MTHFSD: variants seen among roughly 807,000 people sequenced by gnomAD.
MTHFSD encodes methenyltetrahydrofolate synthetase domain containing.
In MTHFSD, 37 loss-of-function variants were observed where a neutral mutation model predicts 31.1. That is an observed-to-expected ratio of 1.19 (90% confidence interval 0.91 to 1.56). The LOEUF is 1.56. Ranked by LOEUF, MTHFSD falls within the 40% of genes most tolerant of loss-of-function variation. The pLI, the probability that MTHFSD is intolerant of heterozygous loss-of-function variation, is 0.00. For synonymous variants in MTHFSD, 221 were observed against 206.9 expected, an observed-to-expected ratio of 1.07 and a Z score of -0.59; for missense variants, 664 against 510.1, an observed-to-expected ratio of 1.30 and a Z score of -2.91.
chr16:86,551,531 C>A (rs577292616), intron 3 of MTHFSD, among the ~76,000 whole-genome samples: 18 of 152,296 alleles, frequency 1.2e-4, no homozygotes, highest in Middle Eastern at 3.4e-3. Flanking sequence ...CAAAAGCATG[C>A]CTGAATTTAA....
intron 7 of MTHFSD, among the ~76,000 whole-genome samples, chr16:86,536,803 C>T (rs1472974034): frequency 6.6e-6 from 1 of 152,246 alleles, no homozygotes; most frequent in Admixed American, 6.5e-5. Flanking sequence ...CCCCCTGCTC[C>T]GCACAGAGTC....
intron 3 of MTHFSD, among the ~76,000 whole-genome samples, chr16:86,551,028 A>C (rs745663947): frequency 2.0e-5 from 3 of 152,346 alleles, no homozygotes; most frequent in Non-Finnish European, 4.4e-5. Flanking sequence ...GGCCAGTACT[A>C]TACTCATGTT....
chr16:86,537,444 A>G (rs531047900), intron 7 of MTHFSD, among the ~76,000 whole-genome samples: 17 of 152,216 alleles, frequency 1.1e-4, no homozygotes, highest in African/African-American at 3.9e-4. Flanking sequence ...CATGTCTTCT[A>G]TAGAGATTCA....
At chr16:86,554,015 G>A (rs769229183) in intron 2 of MTHFSD, among the ~76,000 whole-genome samples, 13 of 152,138 alleles carry the variant, frequency 8.5e-5, no homozygotes, top group Admixed American at 1.3e-4. Context: ...CTGTCAAAAC[G>A]GACCAATCGG....
chr16:86,551,699 C>G (rs1017426097), intron 3 of MTHFSD, among the ~76,000 whole-genome samples: 12 of 152,176 alleles, frequency 7.9e-5, no homozygotes, highest in Non-Finnish European at 1.6e-4. Context: ...GTGGTGTCAT[C>G]TATTTCAGCT....
In MTHFSD at chr16:86,542,027, A is replaced by C; in HGVS notation, c.555+74T>G. The C allele has an allele frequency of 1.4e-6, 2 of 1,425,922 alleles. No individual in the cohort carries two copies. Among genetic ancestry groups the C allele is most frequent in the Non-Finnish European group, 2.0e-6 (2 of 1,024,012 alleles). The allele number at this position is 1,425,922 out of a possible 1,614,324, so 88.3% of individuals were successfully genotyped here. On this transcript the variant is annotated intron_variant, in intron 6 of 7. Coordinates refer to ENST00000360900, the MANE Select transcript of MTHFSD (RefSeq NM_001159377.2). This position sits in a 1 kb window ranked among gnomAD's most constrained non-coding sequence, Gnocchi z 4.6. ...ACACAGCATGGTTCAGAAGCAGATG[A>C]GTCTCCTTCCCCACCCCCTGCTCCC... is the stretch of plus-strand genomic sequence containing the variant.
In MTHFSD at chr16:86,530,600, A is replaced by G. The variant is rs1290709753; in HGVS notation, c.*1411T>C. The G allele has an allele frequency of 1.3e-5, 2 of 151,298 alleles. No homozygotes were observed. The highest frequency in any genetic ancestry group is 2.5e-5 in the African/African-American group (1 of 40,636). The allele number at this position is 151,298 out of a possible 1,614,324, so 9.4% of individuals were successfully genotyped here. On this transcript the variant is annotated 3_prime_UTR_variant, in exon 8 of 8. Transcript: ENST00000360900. ...TTGCTATTCTAACGGCAGCAAATCC[A>G]CAGGAAAAAGGTAAACAAAAAAAAA...
chr16:86,535,331 G>GGAAACATCTTCCTA, intron 7 of MTHFSD: 1 of 985,208 alleles, frequency 1.0e-6, no homozygotes, highest in African/African-American at 1.7e-5. Context: ...AAGCTCTAAT[G>GGAAACATCTTCCTA]GCTGTGGGGC....
At chr16:86,549,179 C>T (rs1401576093) in intron 3 of MTHFSD, among the ~76,000 whole-genome samples, 1 of 152,220 alleles carries the variant, frequency 6.6e-6, no homozygotes, top group Admixed American at 6.5e-5. Flanking sequence ...GGGCCCTGGG[C>T]CAGCGCATCA....
chr16:86,540,341 C>A (rs1338809351), intron 7 of MTHFSD, among the ~76,000 whole-genome samples: 1 of 152,170 alleles, frequency 6.6e-6, no homozygotes, highest in African/African-American at 2.4e-5. Context: ...ACAGTGCTGA[C>A]CCTCAGGAAC....
chr16:86,541,578 G>T (rs1971519701), intron 7 of MTHFSD, 119 bp downstream of exon 7: 1 of 1,404,284 alleles, frequency 7.1e-7, no homozygotes, highest in Non-Finnish European at 9.7e-7. Flanking sequence ...AAGCTCCTTG[G>T]GTGATTCTAA....
intron 3 of MTHFSD, among the ~76,000 whole-genome samples, chr16:86,551,121 G>C: frequency 6.6e-6 from 1 of 152,184 alleles, no homozygotes; most frequent in East Asian, 1.9e-4. Context: ...TGATTTTATA[G>C]TTTTGTTTGT....
At position 86,531,790 on chromosome 16, in the gene MTHFSD, G is replaced by T; in HGVS notation, c.*221C>A. The T allele has an allele frequency of 2.5e-6, 1 of 394,270 alleles. No homozygotes were observed. Among genetic ancestry groups the T allele is most frequent in the Non-Finnish European group, 4.5e-6 (1 of 222,558 alleles). The allele number at this position is 394,270 out of a possible 1,614,324, so 24.4% of individuals were successfully genotyped here. A position where few individuals can be genotyped will look rare whatever the true frequency, so the allele number is the denominator to read the frequency against. ...GAGCCTGCACGATTGGGAGGCTGCA[G>T]TCTCTGCGCGCTGTGAGATGAACCG... On this transcript the variant is annotated 3_prime_UTR_variant, in exon 8 of 8. Transcript: ENST00000360900. This position sits in a 1 kb window ranked among gnomAD's most constrained non-coding sequence, Gnocchi z 5.5.
In MTHFSD at chr16:86,542,740, T is replaced by A. The variant is rs1051189036; in HGVS notation, c.443-527A>T. Among the ~76,000 whole-genome samples, 2 of 152,214 alleles carry A rather than the reference T, an allele frequency of 1.3e-5. No individual in the cohort carries two copies. Among genetic ancestry groups the A allele is most frequent in the African/African-American group, 4.8e-5 (2 of 41,448 alleles). On this transcript the variant is annotated intron_variant, in intron 5 of 7. Coordinates refer to ENST00000360900, the MANE Select transcript of MTHFSD (RefSeq NM_001159377.2). This position sits in a 1 kb window ranked among gnomAD's most constrained non-coding sequence, Gnocchi z 4.6. Reference sequence around the variant, plus strand: ...CGGTTTAAGCAGTACTAAAGCGTTTTGCAAATTTGTAATTAGTGGCACAAC... The same window carrying A: ...CGGTTTAAGCAGTACTAAAGCGTTTAGCAAATTTGTAATTAGTGGCACAAC...
intron 7 of MTHFSD, among the ~76,000 whole-genome samples, chr16:86,539,756 A>T (rs1027655003): frequency 6.6e-6 from 1 of 152,202 alleles, no homozygotes; most frequent in African/African-American, 2.4e-5. Flanking sequence ...AACTACTGGA[A>T]AGGTGGAACA....
chr16:86,534,631 T>C (rs926567253), intron 7 of MTHFSD, among the ~76,000 whole-genome samples: 4 of 152,236 alleles, frequency 2.6e-5, no homozygotes, highest in Non-Finnish European at 4.4e-5. Context: ...ATCATTTGAT[T>C]TTGAAGGATC....
intron 7 of MTHFSD, among the ~76,000 whole-genome samples, chr16:86,539,418 G>A (rs929806835): frequency 1.4e-4 from 22 of 152,224 alleles, no homozygotes; most frequent in African/African-American, 5.1e-4. Context: ...AGCCTACCTC[G>A]CATTTGCGAC....
At chr16:86,541,333 T>C in intron 7 of MTHFSD, 1 of 822,146 alleles carries the variant, frequency 1.2e-6, no homozygotes, top group Non-Finnish European at 1.7e-6. Flanking sequence ...GGAAGACCAA[T>C]GAGATAACAC....
chr16:86,539,521 A>G (rs532022672), intron 7 of MTHFSD, among the ~76,000 whole-genome samples: 6 of 152,304 alleles, frequency 3.9e-5, no homozygotes, highest in Admixed American at 1.3e-4. Context: ...GGGCTTGGAG[A>G]GTGTGTTGGA....
Sources: allele counts gnomAD v4.1 joint callset (sites outside exome capture counted in the v4.1 genomes callset), GRCh38; gene constraint gnomAD v4.1.1; non-coding constraint Gnocchi (gnomAD v3.1); transcripts MANE v1.5; gene names NCBI Gene and HGNC (gene_info 2026-07-23, HGNC 2026-07-21).